Variants in EVI5 observed in about 807,000 individuals in gnomAD.
EVI5 encodes the protein ecotropic viral integration site 5, also known as ecotropic viral integration site 5 protein homolog.
A neutral mutation model predicts 112.0 loss-of-function variants in EVI5; 73 were observed. The observed-to-expected ratio is 0.65, with a 90% CI of 0.54 to 0.79. The LOEUF is 0.79. EVI5 is among the 30% of genes least tolerant of loss of function. EVI5 has a pLI of 0.00. For synonymous variants in EVI5, 305 were observed against 319.9 expected, an observed-to-expected ratio of 0.95 and a Z score of 0.50; for missense variants, 900 against 968.8, an observed-to-expected ratio of 0.93 and a Z score of 0.94.
At chr1:92,758,895 A>G (rs913684267) in intron 1 of EVI5, among the ~76,000 whole-genome samples, 2 of 152,188 alleles carry the variant, frequency 1.3e-5, no homozygotes, top group African/African-American at 4.8e-5. Context: ...AAAAGACACT[A>G]GACAGCAGCC....
At chr1:92,736,649 GC>G (rs1677494101) in intron 1 of EVI5, 22 bp from the exon 2 acceptor site, 1 of 1,501,224 alleles carries the variant, frequency 6.7e-7, no homozygotes, top group African/African-American at 1.4e-5. Context: ...AATAAAAGTT[GC>G]ATATACTTTA....
chr1:92,527,429 A>AAAAAAAAAAAAAAAAG (rs1662093705), intron 19 of EVI5, among the ~76,000 whole-genome samples: 2 of 134,764 alleles, frequency 1.5e-5, no homozygotes, highest in Non-Finnish European at 3.1e-5. Flanking sequence ...AAAAAAAAAA[A>AAAAAAAAAAAAAAAAG]AAAAGAAAAA....
chr1:92,752,207 CT>C (rs1258168471), intron 1 of EVI5, among the ~76,000 whole-genome samples: 1 of 152,000 alleles, frequency 6.6e-6, no homozygotes, highest in Non-Finnish European at 1.5e-5. Context: ...CGGAATCTCG[CT>C]CTGTTGCCCA....
At chr1:92,767,470 G>A (rs1394713183) in intron 1 of EVI5, among the ~76,000 whole-genome samples, 1 of 152,188 alleles carries the variant, frequency 6.6e-6, no homozygotes, top group Non-Finnish European at 1.5e-5. Flanking sequence ...ATCTCCCGAG[G>A]ATAAGGGGGA....
intron 18 of EVI5, among the ~76,000 whole-genome samples, chr1:92,591,049 A>G (rs1189700110): frequency 1.3e-5 from 2 of 152,258 alleles, no homozygotes; most frequent in African/African-American, 4.8e-5. Flanking sequence ...AATCCTTTAC[A>G]GACAAGCAAA....
At chr1:92,669,984 C>G (rs1042478575) in intron 10 of EVI5, among the ~76,000 whole-genome samples, 29 of 151,856 alleles carry the variant, frequency 1.9e-4, no homozygotes, top group African/African-American at 6.5e-4. Context: ...AAAAAAGAGA[C>G]TAAAAGTGAG....
At chr1:92,748,838 G>C (rs1558196723) in intron 1 of EVI5, among the ~76,000 whole-genome samples, 1 of 151,940 alleles carries the variant, frequency 6.6e-6, no homozygotes, top group Non-Finnish European at 1.5e-5. Flanking sequence ...AGGCCGATGC[G>C]GGCAGATCAC....
At chr1:92,653,722 C>T (rs1347024019) in intron 13 of EVI5, among the ~76,000 whole-genome samples, 1 of 152,228 alleles carries the variant, frequency 6.6e-6, no homozygotes, top group Admixed American at 6.5e-5. Context: ...TGCAGAGCAG[C>T]AGCGTTCCTG....
At chr1:92,748,985 G>C (rs1679767242) in intron 1 of EVI5, among the ~76,000 whole-genome samples, 1 of 148,838 alleles carries the variant, frequency 6.7e-6, no homozygotes, top group Non-Finnish European at 1.5e-5. Context: ...AGAATCACTT[G>C]AACCTGGGAG....
intron 19 of EVI5, among the ~76,000 whole-genome samples, chr1:92,550,508 T>C (rs1459360857): frequency 2.7e-5 from 4 of 150,286 alleles, no homozygotes; most frequent in East Asian, 2.0e-4. Flanking sequence ...AAAATATATA[T>C]ATATTAAGGC....
At chr1:92,744,713 T>C (rs1052877618) in intron 1 of EVI5, among the ~76,000 whole-genome samples, 2 of 151,882 alleles carry the variant, frequency 1.3e-5, no homozygotes, top group African/African-American at 4.8e-5. Context: ...GAAGGGGCAT[T>C]TCTCTTACAT....
At chr1:92,714,184 T>A (rs186816517) in intron 2 of EVI5, 7 of 971,076 alleles carry the variant, frequency 7.2e-6, no homozygotes, top group Non-Finnish European at 8.6e-6. Context: ...GGTTGCTACA[T>A]GCACTTATTT....
chr1:92,698,007 C>A (rs912075178), intron 5 of EVI5, 22 bp from the exon 6 acceptor site: 3 of 1,590,816 alleles, frequency 1.9e-6, no homozygotes, highest in South Asian at 2.2e-5. Context: ...GAAAAAAAAA[C>A]AACATAGGTT....
At chr1:92,664,827 T>C (rs1664607992) in intron 11 of EVI5, among the ~76,000 whole-genome samples, 1 of 152,226 alleles carries the variant, frequency 6.6e-6, no homozygotes, top group African/African-American at 2.4e-5. Flanking sequence ...ATTTCTTGAT[T>C]GTAGATTTTC....
chr1:92,674,537 G>T (rs913274186), intron 10 of EVI5, among the ~76,000 whole-genome samples: 1 of 152,092 alleles, frequency 6.6e-6, no homozygotes, highest in African/African-American at 2.4e-5. Flanking sequence ...GGCCTGTCAG[G>T]GGGTGGAGGG....
intron 19 of EVI5, among the ~76,000 whole-genome samples, chr1:92,543,725 A>G (rs753983641): frequency 1.3e-5 from 2 of 152,226 alleles, no homozygotes; most frequent in Non-Finnish European, 2.9e-5. Flanking sequence ...AACATCGAAG[A>G]TCAATGATCA....
chr1:92,714,614 G>C (rs573548963), intron 2 of EVI5, among the ~76,000 whole-genome samples: 1 of 152,290 alleles, frequency 6.6e-6, no homozygotes, highest in East Asian at 1.9e-4. Flanking sequence ...TTCAAAGAGA[G>C]GGTCTTGCTC....
intron 9 of EVI5, among the ~76,000 whole-genome samples, chr1:92,682,305 G>C (rs1403120082): frequency 6.6e-6 from 1 of 152,138 alleles, no homozygotes; most frequent in Non-Finnish European, 1.5e-5. Context: ...GTCTAAAAGA[G>C]TGCTCATCTC....
chr1:92,783,241 C>G lies in EVI5; in HGVS notation c.-82+1595G>C, dbSNP rs537900167. Among the ~76,000 whole-genome samples the G allele has an allele frequency of 1.4e-3, 208 of 152,062 alleles. 1 individual carries two copies. The highest frequency in any genetic ancestry group is 2.3e-3 in the Non-Finnish European group (156 of 67,988). ...CATTTTAGAACAGAAAAAAGACCACCTGGGCCAGGTGCGCTGGCTCACGCC... is the reference window on the plus strand; with the variant it reads ...CATTTTAGAACAGAAAAAAGACCACGTGGGCCAGGTGCGCTGGCTCACGCC... On this transcript the variant is annotated intron_variant, in intron 1 of 19. Coordinates refer to ENST00000684568, the MANE Select transcript of EVI5 (RefSeq NM_001350197.2).
Sources: allele counts gnomAD v4.1 joint callset (sites outside exome capture counted in the v4.1 genomes callset), GRCh38; gene constraint gnomAD v4.1.1; transcripts MANE v1.5; gene names NCBI Gene and HGNC (gene_info 2026-07-23, HGNC 2026-07-21).